The following IL22RA1 variants were observed in gnomAD, a reference collection of about 807,000 sequenced individuals.
IL22RA1 encodes interleukin 22 receptor subunit alpha 1.
In IL22RA1, 25 loss-of-function variants were observed where a neutral mutation model predicts 32.8. The observed-to-expected ratio is 0.76, with a 90% CI of 0.55 to 1.06. IL22RA1 has a LOEUF of 1.06. Ranked by LOEUF, IL22RA1 falls within the 50% of genes least tolerant of loss-of-function variation. The pLI is 0.00. For synonymous variants in IL22RA1, 305 were observed against 305.0 expected (o/e 1.00, Z 0.00); for missense variants, 709 against 727.4 (o/e 0.97, Z 0.29).
intron 5 of IL22RA1, among the ~76,000 whole-genome samples, chr1:24,126,479 A>C (rs1397073426): frequency 6.6e-6 from 1 of 152,214 alleles, no homozygotes; most frequent in East Asian, 1.9e-4. Flanking sequence ...ATGAGGGATC[A>C]GGCTCCCAGA....
chr1:24,135,709 T>C (rs1644236850), intron 3 of IL22RA1, among the ~76,000 whole-genome samples: 1 of 152,170 alleles, frequency 6.6e-6, no homozygotes, highest in South Asian at 2.1e-4. Flanking sequence ...CCTCACATGG[T>C]GGCAGGAAGG....
Position 24,136,910 on chromosome 1 carries a change from T to TG in IL22RA1, c.355+220dup, listed in dbSNP as rs200393004. Among the ~76,000 whole-genome samples the TG allele has an allele frequency of 2.7e-3, 373 of 136,360 alleles. 7 individuals carry two copies. The East Asian group carries it at 0.046, about 17-fold the overall frequency. The allele number at this position is 136,360 out of a possible 152,430, so 89.5% of individuals were successfully genotyped here. ...TAAGGGTGGTCTGAACTAGGGAGGTTGGGGTGGAGGTGGAGAAAAGTGAAC... is the reference window on the plus strand; with the variant it reads ...TAAGGGTGGTCTGAACTAGGGAGGTTGGGGGTGGAGGTGGAGAAAAGTGAAC... On this transcript the variant is annotated intron_variant, in intron 3 of 6. Coordinates refer to ENST00000270800, the MANE Select transcript of IL22RA1 (RefSeq NM_021258.4).
At chr1:24,132,247 G>C (rs1431524642) in intron 4 of IL22RA1, among the ~76,000 whole-genome samples, 2 of 152,104 alleles carry the variant, frequency 1.3e-5, no homozygotes, top group Non-Finnish European at 2.9e-5. Context: ...AAGTTGACTG[G>C]AAGGGGACCC....
chr1:24,137,184 G>T lies in IL22RA1; in HGVS notation c.302C>A (p.Ala101Glu). 1 of 1,613,982 alleles carries T rather than the reference G, an allele frequency of 6.2e-7. No homozygotes were observed. The highest frequency in any genetic ancestry group is 8.5e-7 in the Non-Finnish European group (1 of 1,180,000). The change falls in exon 3 of 7, where the codon GCG becomes GAG. Residue 101 changes from alanine (A) to glutamate (E), a missense_variant. Transcript: ENST00000270800. ...LYYARVTAVS[A>E]GGRSATKMTD... is the part of the protein sequence containing the mutation. Reference sequence around the variant, plus strand: ...CATCTTGGTGGCTGACCGGCCTCCCGCACTGACAGCGGTGACCCTGGCATA... The same window carrying T: ...CATCTTGGTGGCTGACCGGCCTCCCTCACTGACAGCGGTGACCCTGGCATA...
chr1:24,123,957 C>T (rs1320041797), intron 5 of IL22RA1, among the ~76,000 whole-genome samples: 1 of 152,232 alleles, frequency 6.6e-6, no homozygotes, highest in Non-Finnish European at 1.5e-5. Context: ...TGTCTGCCCT[C>T]ATGAGGAAGT....
chr1:24,141,681 C>T (rs1464029686), intron 1 of IL22RA1, among the ~76,000 whole-genome samples: 1 of 152,184 alleles, frequency 6.6e-6, no homozygotes, highest in Non-Finnish European at 1.5e-5. Flanking sequence ...TCCCACCCTC[C>T]TCGCTCCTTT....
At chr1:24,135,543 T>TA (rs1272705048) in intron 3 of IL22RA1, among the ~76,000 whole-genome samples, 1 of 152,260 alleles carries the variant, frequency 6.6e-6, no homozygotes, top group Non-Finnish European at 1.5e-5. Context: ...TTGGCAACTA[T>TA]ATTAGTCCAT....
chr1:24,125,312 T>C (rs1644153459), intron 5 of IL22RA1, among the ~76,000 whole-genome samples: 1 of 152,154 alleles, frequency 6.6e-6, no homozygotes, highest in Non-Finnish European at 1.5e-5. Flanking sequence ...TCAGTGGAGT[T>C]ACATGTGTAA....
At chr1:24,141,684 G>T (rs538758581) in intron 1 of IL22RA1, among the ~76,000 whole-genome samples, 2 of 152,092 alleles carry the variant, frequency 1.3e-5, no homozygotes, top group Non-Finnish European at 2.9e-5. Flanking sequence ...CACCCTCCTC[G>T]CTCCTTTTCC....
Position 24,121,389 on chromosome 1 carries a change from C to A in IL22RA1, c.1141G>T (p.Ala381Ser). 1 of 1,562,100 alleles carries A rather than the reference C, an allele frequency of 6.4e-7. No individual in the cohort carries two copies. Residue 381 changes from alanine (A) to serine (S), a missense_variant, in exon 7 of 7, where the codon GCC becomes TCC. Coordinates refer to ENST00000270800, the MANE Select transcript of IL22RA1 (RefSeq NM_021258.4). ...EAQFPFYAPQAISKVQPSSYA... is the reference protein window; with the variant it reads ...EAQFPFYAPQSISKVQPSSYA... ...GAGGAAGGCTGGACCTTAGAGATGG[C>A]CTGTGGGGCGTAGAATGGGAATTGA... is the stretch of plus-strand genomic sequence containing the variant.
At chr1:24,142,016 C>T (rs1436691917) in intron 1 of IL22RA1, among the ~76,000 whole-genome samples, 1 of 152,186 alleles carries the variant, frequency 6.6e-6, no homozygotes, top group Non-Finnish European at 1.5e-5. Flanking sequence ...CTTGGGGTCC[C>T]CCATCTCAAA....
intron 1 of IL22RA1, among the ~76,000 whole-genome samples, chr1:24,141,238 G>A (rs1035159835): frequency 6.6e-6 from 1 of 152,216 alleles, no homozygotes; most frequent in African/African-American, 2.4e-5. Context: ...TGGATGTGAG[G>A]CTGGGTGGAA....
rs1453277673 is a variant in IL22RA1, at chr1:24,121,341, C to A, written c.1189G>T (p.Asp397Tyr). 6.2e-7 allele frequency: 1 copy of A among 1,601,784 alleles called. No individual in the cohort carries two copies. Among genetic ancestry groups the A allele is most frequent in the Non-Finnish European group, 8.5e-7 (1 of 1,172,088 alleles). ...ACCCCATAGGAGGGAGGCCAGCTGT[C>A]CGGAGTGGCTTGAGGGGCATAGGAG... ...PSSYAPQATP[D>Y]SWPPSYGVCM... Residue 397 changes from aspartate (D) to tyrosine (Y), a missense_variant, in exon 7 of 7, where the codon GAC becomes TAC. Transcript: ENST00000270800.
At chr1:24,127,389 G>A (rs1644173283) in intron 5 of IL22RA1, among the ~76,000 whole-genome samples, 2 of 151,458 alleles carry the variant, frequency 1.3e-5, no homozygotes, top group African/African-American at 2.4e-5. Flanking sequence ...ATAGCTCTTT[G>A]CAGCTTCAAC....
At chr1:24,137,780 G>C (rs886582510) in intron 2 of IL22RA1, among the ~76,000 whole-genome samples, 1 of 152,120 alleles carries the variant, frequency 6.6e-6, no homozygotes, top group African/African-American at 2.4e-5. Flanking sequence ...GCCTCTGAAA[G>C]TGCTGAGATT....
At position 24,138,576 on chromosome 1, in the gene IL22RA1, G is replaced by A. The variant is rs369012679; in HGVS notation, c.176+6C>T. 1.4e-5 allele frequency: 23 copies of A among 1,614,020 alleles called. No individual in the cohort carries two copies. The highest frequency in any genetic ancestry group is 1.7e-6 in the Non-Finnish European group (2 of 1,180,006). ...CAAAGGAGGTGGGGTCAAGAGAGAAGCCTACGTCTTATACTCGATGCTGTA... is the reference window on the plus strand; with the variant it reads ...CAAAGGAGGTGGGGTCAAGAGAGAAACCTACGTCTTATACTCGATGCTGTA... On this transcript the variant is annotated splice_donor_region_variant and intron_variant, in intron 2 of 6. Coordinates refer to ENST00000270800, the MANE Select transcript of IL22RA1 (RefSeq NM_021258.4).
rs574308339 is a variant in IL22RA1, at chr1:24,137,306, G to C, written c.180C>G (p.Tyr60Ter). The C allele has an allele frequency of 6.2e-7, 1 of 1,613,316 alleles. No individual in the cohort carries two copies. The highest frequency in any genetic ancestry group is 1.1e-5 in the South Asian group (1 of 91,064). The change falls in exon 3 of 7, where the codon TAC (tyrosine) becomes TAG (stop). Residue 60 changes from tyrosine to a stop codon, truncating the protein, a stop_gained. Coordinates refer to ENST00000270800, the MANE Select transcript of IL22RA1 (RefSeq NM_021258.4). LOFTEE classifies it high-confidence loss of function. ...TCTTTGCCACCCAGTCCCTCTCTCC[G>C]TACCTGCAGGTCAGGAAGGGGCCAA... ...DTVYSIEYKTYGERDWVAKKG... is the reference protein window; with the variant it reads ...DTVYSIEYKT
Position 24,121,185 on chromosome 1 carries a change from C to G in IL22RA1, c.1345G>C (p.Glu449Gln). 6.2e-7 allele frequency: 1 copy of G among 1,614,224 alleles called. No homozygotes were observed. The highest frequency in any genetic ancestry group is 2.2e-5 in the East Asian group (1 of 44,890). ...SCMLGGLSLQ[E>Q]VTSLAMEESQ... ...TCCTCCATAGCCAAGGAGGTCACCT[C>G]CTGCAGAGAAAGGCCACCTAACATG... Residue 449 changes from glutamate (E) to glutamine (Q), a missense_variant, in exon 7 of 7, where the codon GAG (glutamate) becomes CAG (glutamine). Coordinates refer to ENST00000270800, the MANE Select transcript of IL22RA1 (RefSeq NM_021258.4).
chr1:24,140,296 C>A (rs563204777), intron 1 of IL22RA1, among the ~76,000 whole-genome samples: 26 of 152,210 alleles, frequency 1.7e-4, no homozygotes, highest in South Asian at 1.2e-3. Context: ...GCGGATAGAG[C>A]GGGTTGGCGT....
Sources: allele counts gnomAD v4.1 joint callset (sites outside exome capture counted in the v4.1 genomes callset), GRCh38; gene constraint gnomAD v4.1.1; transcripts MANE v1.5; gene names NCBI Gene and HGNC (gene_info 2026-07-23, HGNC 2026-07-21).